The following ANO10 variants were observed in gnomAD, a reference collection of about 807,000 sequenced individuals.
ANO10 encodes the protein anoctamin-10.
A neutral mutation model predicts 74.7 loss-of-function variants in ANO10; 77 were observed. The observed-to-expected ratio is 1.03, with a 90% CI of 0.86 to 1.25. The LOEUF (loss-of-function observed/expected upper bound fraction) is 1.25, where lower values mean the gene tolerates loss of function less well. ANO10 is among the 50% of genes most tolerant of loss of function. The pLI is 0.00. For synonymous variants in ANO10, 279 were observed against 284.9 expected (o/e 0.98, Z 0.21); for missense variants, 721 against 778.1 (o/e 0.93, Z 0.87).
At chr3:43,522,275 C>A (rs1366722220) in intron 11 of ANO10, among the ~76,000 whole-genome samples, 1 of 151,800 alleles carries the variant, frequency 6.6e-6, no homozygotes, top group Admixed American at 6.6e-5. Flanking sequence ...ATTACACACT[C>A]AATATAATTA....
chr3:43,583,689 C>A (rs954946841), intron 4 of ANO10, among the ~76,000 whole-genome samples: 1 of 152,170 alleles, frequency 6.6e-6, no homozygotes, highest in African/African-American at 2.4e-5. Context: ...CACAGATGCC[C>A]GCAGGAAGTG....
rs1253143971 is a variant in ANO10, at chr3:43,497,513, T to C, written c.1797+52207A>G. ...GCAGAAAACTCCAGTCCCAGAAAAGTAGAGAAAGGAACTCTCTTTCAGGCT... is the reference window on the plus strand; with the variant it reads ...GCAGAAAACTCCAGTCCCAGAAAAGCAGAGAAAGGAACTCTCTTTCAGGCT... On this transcript the variant is annotated intron_variant, in intron 11 of 12. Coordinates refer to ENST00000292246, the MANE Select transcript of ANO10 (RefSeq NM_018075.5). Among the ~76,000 whole-genome samples, 5 of 152,106 alleles carry C rather than the reference T, an allele frequency of 3.3e-5. No individual in the cohort carries two copies. The East Asian group carries it at 5.8e-4, about 18-fold the overall frequency.
chr3:43,444,273 G>T (rs988140336), intron 11 of ANO10, among the ~76,000 whole-genome samples: 1 of 152,112 alleles, frequency 6.6e-6, no homozygotes, highest in South Asian at 2.1e-4. Flanking sequence ...ACAGCTTAAA[G>T]CAATTTACAT....
At chr3:43,576,605 T>C in intron 6 of ANO10, 87 bp downstream of exon 6, 1 of 1,407,392 alleles carries the variant, frequency 7.1e-7, no homozygotes, top group East Asian at 2.3e-5. Context: ...CTATTTTCTC[T>C]GCAAGGTAGC....
At chr3:43,635,226 G>C (rs768297568) in intron 1 of ANO10, among the ~76,000 whole-genome samples, 71 of 152,176 alleles carry the variant, frequency 4.7e-4, no homozygotes, top group Non-Finnish European at 7.9e-4. Context: ...ACATCATTTA[G>C]GACACTCATA....
chr3:43,396,863 T>C (rs1315099867), intron 12 of ANO10, among the ~76,000 whole-genome samples: 1 of 152,078 alleles, frequency 6.6e-6, no homozygotes, highest in Non-Finnish European at 1.5e-5. Flanking sequence ...AGTTTACTAA[T>C]TTTTTTCTTC....
At chr3:43,440,804 CA>C (rs1360374173) in intron 11 of ANO10, among the ~76,000 whole-genome samples, 1 of 151,742 alleles carries the variant, frequency 6.6e-6, no homozygotes, top group Non-Finnish European at 1.5e-5. Flanking sequence ...CCTAAGGCCA[CA>C]AAACAAGCCG....
At chr3:43,592,048 G>C (rs957522833) in intron 4 of ANO10, among the ~76,000 whole-genome samples, 1 of 152,224 alleles carries the variant, frequency 6.6e-6, no homozygotes, top group African/African-American at 2.4e-5. Flanking sequence ...CAAGGCTGGG[G>C]GAGGGGCGCC....
At chr3:43,662,934 CAG>C (rs1360300530) in intron 1 of ANO10, among the ~76,000 whole-genome samples, 1 of 152,132 alleles carries the variant, frequency 6.6e-6, no homozygotes, top group Non-Finnish European at 1.5e-5. Flanking sequence ...CAAGACCAGA[CAG>C]ATTCACAGCT....
intron 11 of ANO10, among the ~76,000 whole-genome samples, chr3:43,516,443 G>A (rs1314824807): frequency 8.5e-5 from 13 of 152,178 alleles, no homozygotes; most frequent in Admixed American, 8.5e-4. Flanking sequence ...GTAGGGCGAA[G>A]GGAGACTAGG....
chr3:43,517,828 A>G (rs1296453138), intron 11 of ANO10, among the ~76,000 whole-genome samples: 1 of 152,196 alleles, frequency 6.6e-6, no homozygotes, highest in Non-Finnish European at 1.5e-5. Context: ...GGATAAGCCC[A>G]CTGATTGTGT....
chr3:43,565,542 A>G lies in ANO10; in HGVS notation c.1293+111T>C, dbSNP rs1575438431. 9 of 942,964 alleles carry G rather than the reference A, an allele frequency of 9.5e-6. No homozygotes were observed. In the East Asian group the frequency reaches 2.2e-4, roughly 23 times the overall value. The allele number at this position is 942,964 out of a possible 1,614,324, so 58.4% of individuals were successfully genotyped here. A position where few individuals can be genotyped will look rare whatever the true frequency, so the allele number is the denominator to read the frequency against. On this transcript the variant is annotated intron_variant, in intron 8 of 12. Transcript: ENST00000292246. Reference sequence around the variant, plus strand: ...AGAATTTGGCTTAAAAACATACAAAATTTAAAAGATTTTATTTGTAAAAAT... The same window carrying G: ...AGAATTTGGCTTAAAAACATACAAAGTTTAAAAGATTTTATTTGTAAAAAT...
At chr3:43,520,041 G>GAC (rs1381997828) in intron 11 of ANO10, among the ~76,000 whole-genome samples, 1 of 152,058 alleles carries the variant, frequency 6.6e-6, no homozygotes, top group Non-Finnish European at 1.5e-5. Flanking sequence ...CACAGAGCTG[G>GAC]ACCACATTTC....
At chr3:43,550,847 C>G (rs1464606956) in intron 10 of ANO10, among the ~76,000 whole-genome samples, 2 of 152,114 alleles carry the variant, frequency 1.3e-5, no homozygotes, top group African/African-American at 4.8e-5. Context: ...TCTTCCACTT[C>G]GCAGCTCCCA....
chr3:43,458,500 A>C (rs1559564974), intron 11 of ANO10, among the ~76,000 whole-genome samples: 1 of 152,172 alleles, frequency 6.6e-6, no homozygotes, highest in Non-Finnish European at 1.5e-5. Context: ...ATAACAATAA[A>C]ATATTCTGAA....
chr3:43,504,221 T>C (rs906750417), intron 11 of ANO10, among the ~76,000 whole-genome samples: 7 of 151,694 alleles, frequency 4.6e-5, no homozygotes, highest in African/African-American at 1.5e-4. Flanking sequence ...TGAGCTGAGA[T>C]TGCACCACTG....
intron 12 of ANO10, among the ~76,000 whole-genome samples, chr3:43,425,174 T>TA (rs2092879359): frequency 6.6e-6 from 1 of 151,986 alleles, no homozygotes; most frequent in African/African-American, 2.4e-5. Flanking sequence ...CAGTTTCCAT[T>TA]AAAAATGCTT....
chr3:43,637,901 G>A (rs2083631025), intron 1 of ANO10: 1 of 152,116 alleles, frequency 6.6e-6, no homozygotes. Flanking sequence ...TACAGTATAA[G>A]AATATAATGG....
chr3:43,689,994 G>C (rs2084331818), intron 1 of ANO10: 1 of 152,166 alleles, frequency 6.6e-6, no homozygotes, highest in African/African-American at 2.4e-5. Context: ...CTTGAAAACA[G>C]GTCAAGAAAT....
Sources: allele counts gnomAD v4.1 joint callset (sites outside exome capture counted in the v4.1 genomes callset), GRCh38; gene constraint gnomAD v4.1.1; transcripts MANE v1.5; gene names NCBI Gene and HGNC (gene_info 2026-07-23, HGNC 2026-07-21).